The following CYP2C18 variants were observed in gnomAD, a reference collection of about 807,000 sequenced individuals.
CYP2C18 encodes the protein cytochrome P450 2C18.
In CYP2C18, 38 loss-of-function variants were observed where a neutral mutation model predicts 41.3. The observed-to-expected ratio is 0.92, with a 90% CI of 0.71 to 1.21. CYP2C18 has a LOEUF of 1.21. Ranked by LOEUF, CYP2C18 falls within the 50% of genes most tolerant of loss-of-function variation. CYP2C18 has a pLI of 0.00. For missense variants in CYP2C18, 635 were observed against 591.4 expected (o/e 1.07, Z -0.77); for synonymous variants, 236 against 210.0 (o/e 1.12, Z -1.07).
chr10:94,685,678 C>T (rs1846873895), intron 1 of CYP2C18, among the ~76,000 whole-genome samples: 1 of 152,094 alleles, frequency 6.6e-6, no homozygotes. Context: ...GTTCTTGGCA[C>T]CTTTGTCAAA....
chr10:94,701,483 G>T (rs1197830961), intron 4 of CYP2C18, among the ~76,000 whole-genome samples: 2 of 152,136 alleles, frequency 1.3e-5, no homozygotes, highest in African/African-American at 2.4e-5. Context: ...GCGGGGAAAG[G>T]GGGAGGGATA....
At chr10:94,705,662 GT>G (rs371678344) in intron 4 of CYP2C18, among the ~76,000 whole-genome samples, 86 of 152,172 alleles carry the variant, frequency 5.7e-4, no homozygotes, top group African/African-American at 2.0e-3. Context: ...ATTTTTGGGT[GT>G]TTTTATGGAG....
chr10:94,684,749 T>C (rs1232970704), intron 1 of CYP2C18, among the ~76,000 whole-genome samples: 5 of 152,066 alleles, frequency 3.3e-5, no homozygotes, highest in African/African-American at 1.2e-4. Context: ...GATAGTTCTA[T>C]TTTTGTTTTT....
intron 7 of CYP2C18, among the ~76,000 whole-genome samples, chr10:94,731,149 G>A (rs907155022): frequency 1.3e-5 from 2 of 152,264 alleles, no homozygotes; most frequent in Non-Finnish European, 2.9e-5. Flanking sequence ...GGGAGGCCAA[G>A]GCCAGCGGAT....
chr10:94,692,866 TTGTA>T (rs1228070091), intron 3 of CYP2C18, among the ~76,000 whole-genome samples: 2 of 152,084 alleles, frequency 1.3e-5, no homozygotes, highest in East Asian at 3.9e-4. Flanking sequence ...TTCATGTCCT[TTGTA>T]AGGACATGAA....
At chr10:94,720,287 C>A in intron 5 of CYP2C18, 109 bp from the exon 6 acceptor site, 2 of 930,276 alleles carry the variant, frequency 2.1e-6, no homozygotes, top group Non-Finnish European at 3.2e-6. Context: ...GCACTCTGTA[C>A]AGTTTCCAAA....
intron 5 of CYP2C18, among the ~76,000 whole-genome samples, chr10:94,708,628 T>C (rs1847383476): frequency 6.6e-6 from 1 of 152,210 alleles, no homozygotes; most frequent in African/African-American, 2.4e-5. Context: ...ACATTTTAAA[T>C]ACAATTCAAC....
At chr10:94,691,117 C>T (rs1036394318) in intron 3 of CYP2C18, among the ~76,000 whole-genome samples, 1 of 152,140 alleles carries the variant, frequency 6.6e-6, no homozygotes, top group Non-Finnish European at 1.5e-5. Context: ...TGGCACAAGA[C>T]AAGGATGCCC....
At chr10:94,709,523 T>A (rs780463522) in intron 5 of CYP2C18, among the ~76,000 whole-genome samples, 1 of 149,526 alleles carries the variant, frequency 6.7e-6, no homozygotes, top group Non-Finnish European at 1.5e-5. Flanking sequence ...TCAGATGTTA[T>A]TAAAGATATT....
chr10:94,707,014 C>G, intron 5 of CYP2C18, 54 bp downstream of exon 5: 3 of 1,500,094 alleles, frequency 2.0e-6, no homozygotes, highest in Non-Finnish European at 2.7e-6. Flanking sequence ...AGTTCTATAA[C>G]GATTGCTTAA....
At chr10:94,697,775 G>A (rs909164950) in intron 4 of CYP2C18, among the ~76,000 whole-genome samples, 5 of 152,188 alleles carry the variant, frequency 3.3e-5, no homozygotes, top group Non-Finnish European at 7.3e-5. Flanking sequence ...AAAATAAAGG[G>A]ATGGAGGAAG....
At chr10:94,687,718 T>C in intron 1 of CYP2C18, 52 bp from the exon 2 acceptor site, 1 of 1,503,282 alleles carries the variant, frequency 6.7e-7, no homozygotes, top group African/African-American at 1.4e-5. Flanking sequence ...GGACAATATA[T>C]AGACCAAATA....
At chr10:94,688,043 C>G in intron 2 of CYP2C18, 82 bp from the exon 3 acceptor site, 1 of 1,599,754 alleles carries the variant, frequency 6.3e-7, no homozygotes, top group Non-Finnish European at 8.5e-7. Context: ...CAGAACTTGA[C>G]CTGTCCACGT....
chr10:94,721,199 G>T (rs1390240856), intron 6 of CYP2C18, among the ~76,000 whole-genome samples: 1 of 151,986 alleles, frequency 6.6e-6, no homozygotes, highest in Non-Finnish European at 1.5e-5. Flanking sequence ...ATTTTTAGTA[G>T]AGACGGGGTT....
chr10:94,721,810 G>C (rs1253050986), intron 6 of CYP2C18, among the ~76,000 whole-genome samples: 1 of 152,072 alleles, frequency 6.6e-6, no homozygotes, highest in African/African-American at 2.4e-5. Context: ...ACATGGCTGA[G>C]TAGTAGTGCA....
At chr10:94,692,934 G>A (rs1847035598) in intron 3 of CYP2C18, among the ~76,000 whole-genome samples, 1 of 151,662 alleles carries the variant, frequency 6.6e-6, no homozygotes, top group Non-Finnish European at 1.5e-5. Flanking sequence ...AACATCACAT[G>A]TTCTCACTCA....
chr10:94,703,735 G>A (rs1363505551), intron 4 of CYP2C18, among the ~76,000 whole-genome samples: 1 of 152,162 alleles, frequency 6.6e-6, no homozygotes, highest in Admixed American at 6.5e-5. Context: ...CCTTTCCAGG[G>A]GAGTGAATGG....
intron 1 of CYP2C18, among the ~76,000 whole-genome samples, chr10:94,684,758 T>C (rs549720848): frequency 6.6e-6 from 1 of 152,252 alleles, no homozygotes; most frequent in Non-Finnish European, 1.5e-5. Context: ...ATTTTTGTTT[T>C]TTTTAGGAAC....
chr10:94,732,959 G>A (rs1244235434), intron 7 of CYP2C18, among the ~76,000 whole-genome samples: 10 of 152,102 alleles, frequency 6.6e-5, no homozygotes, highest in Non-Finnish European at 4.4e-5. Context: ...ATCCATGTGT[G>A]AGGTGTGTGA....
Sources: gnomAD v4.1 joint callset for allele counts (sites outside exome capture counted in the v4.1 genomes callset) on GRCh38, gnomAD v4.1.1 for gene constraint, MANE v1.5 for transcripts, NCBI Gene and HGNC (gene_info 2026-07-23, HGNC 2026-07-21) for gene names.